Variants in DSTN observed in about 807,000 individuals in gnomAD.
DSTN encodes destrin.
DSTN carries 10 observed loss-of-function variants against 16.8 expected under a neutral mutation model. The ratio of observed to expected loss-of-function variants is 0.60; its 90% CI spans 0.37 to 1.01. The LOEUF is 1.01. Among genes scored for constraint, DSTN ranks in the 50% least tolerant of loss-of-function variants. The pLI is 0.01. For missense variants in DSTN, 141 were observed against 196.7 expected (o/e 0.72, Z 1.69); for synonymous variants, 57 against 58.9 (o/e 0.97, Z 0.14).
chr20:17,592,014 G>A, intron 1 of DSTN: 1 of 985,466 alleles, frequency 1.0e-6, no homozygotes, highest in Non-Finnish European at 1.2e-6. Context: ...TACGAGAATG[G>A]AGTTTAGAAG....
At chr20:17,592,534 G>C (rs190721513) in intron 1 of DSTN, among the ~76,000 whole-genome samples, 1 of 151,786 alleles carries the variant, frequency 6.6e-6, no homozygotes, top group African/African-American at 2.4e-5. Context: ...GTAAACCATG[G>C]TATAATAAAT....
At position 17,608,895 on chromosome 20, in the gene DSTN, C is replaced by T. The variant is rs1327205265; in HGVS notation, c.*1749C>T. ...CCATACAATTATAATGTATTTTCTA[C>T]TGTAATTAGATACACAAATACCATT... On this transcript the variant is annotated 3_prime_UTR_variant, in exon 4 of 4. Coordinates refer to ENST00000246069, the MANE Select transcript of DSTN (RefSeq NM_006870.4). 1 of 152,108 alleles carries T rather than the reference C, an allele frequency of 6.6e-6. No individual in the cohort carries two copies. Among genetic ancestry groups the T allele is most frequent in the African/African-American group, 2.4e-5 (1 of 41,424 alleles). The allele number at this position is 152,108 out of a possible 1,614,324, so 9.4% of individuals were successfully genotyped here.
chr20:17,578,571 A>G (rs1001829927), intron 1 of DSTN, among the ~76,000 whole-genome samples: 2 of 152,220 alleles, frequency 1.3e-5, no homozygotes, highest in Non-Finnish European at 2.9e-5. Flanking sequence ...AATAAATGCC[A>G]GTTTCCTTTC....
Position 17,600,874 on chromosome 20 carries a change from T to A in DSTN, c.140T>A (p.Ile47Asn). 6.2e-7 allele frequency: 1 copy of A among 1,613,874 alleles called. No homozygotes were observed. Among genetic ancestry groups the A allele is most frequent in the South Asian group, 1.1e-5 (1 of 91,072 alleles). Residue 47 changes from isoleucine to asparagine, a missense_variant, in exon 2 of 4, where the codon ATC becomes AAC. By Grantham distance (149) the Ile-to-Asn change is moderately radical. Coordinates refer to ENST00000246069, the MANE Select transcript of DSTN (RefSeq NM_006870.4). ...TGTCTCAGTGCAGACAAAAAGTGCA[T>A]CATTGTAGAAGAAGGCAAAGAGATC... ...IFCLSADKKC[I>N]IVEEGKEILV...
At chr20:17,602,093 A>G in intron 2 of DSTN, among the ~76,000 whole-genome samples, 1 of 152,190 alleles carries the variant, frequency 6.6e-6, no homozygotes, top group East Asian at 1.9e-4. Flanking sequence ...TGTGGTTTAA[A>G]AAGGAAGATA....
At chr20:17,590,897 A>G (rs2035461746) in intron 1 of DSTN, among the ~76,000 whole-genome samples, 1 of 152,216 alleles carries the variant, frequency 6.6e-6, no homozygotes. Flanking sequence ...ACTTGAGGCC[A>G]GGAGTTCGAG....
At chr20:17,579,548 A>T (rs184126661) in intron 1 of DSTN, among the ~76,000 whole-genome samples, 143 of 152,312 alleles carry the variant, frequency 9.4e-4, no homozygotes, top group Middle Eastern at 3.4e-3. Flanking sequence ...GCACCACTGC[A>T]CCTCAGCCTG....
rs994307714 is a variant in DSTN at position 17,609,811 on chromosome 20, A to C, written c.*2665A>C. 8 of 151,588 alleles carry C rather than the reference A, an allele frequency of 5.3e-5. No individual in the cohort carries two copies. Among genetic ancestry groups the C allele is most frequent in the Non-Finnish European group, 1.0e-4 (7 of 67,850 alleles). The allele number at this position is 151,588 out of a possible 1,614,324, so 9.4% of individuals were successfully genotyped here. On this transcript the variant is annotated 3_prime_UTR_variant, in exon 4 of 4. Coordinates refer to ENST00000246069, the MANE Select transcript of DSTN (RefSeq NM_006870.4). ...AGAAAATACGTTTACCTCTTCACAAATGCTAACACACTGCAAAAATATGTT... is the reference window on the plus strand; with the variant it reads ...AGAAAATACGTTTACCTCTTCACAACTGCTAACACACTGCAAAAATATGTT...
chr20:17,579,634 T>C lies in DSTN; in HGVS notation c.3+9423T>C, dbSNP rs1331308176. Among the ~76,000 whole-genome samples the C allele has an allele frequency of 2.0e-5, 3 of 152,216 alleles. No homozygotes were observed. The East Asian group carries it at 5.8e-4, about 29-fold the overall frequency. ...AAAGTGCTTATCAGTTTATCAGTGT[T>C]AGCTAAAATAAATGGTGGCAAGCTT... On this transcript the variant is annotated intron_variant, in intron 1 of 3. Coordinates refer to ENST00000246069, the MANE Select transcript of DSTN (RefSeq NM_006870.4).
chr20:17,580,801 A>G (rs1476796366), intron 1 of DSTN, among the ~76,000 whole-genome samples: 2 of 152,116 alleles, frequency 1.3e-5, no homozygotes, highest in African/African-American at 4.8e-5. Flanking sequence ...TTTAGCTAGA[A>G]TTTAGAGAAG....
chr20:17,577,594 T>C (rs1266217555), intron 1 of DSTN, among the ~76,000 whole-genome samples: 1 of 152,024 alleles, frequency 6.6e-6, no homozygotes, highest in East Asian at 1.9e-4. Context: ...AGAGGAATAC[T>C]CTAGTTATAA....
intron 1 of DSTN, among the ~76,000 whole-genome samples, chr20:17,593,174 C>T (rs1324309383): frequency 2.6e-5 from 4 of 152,150 alleles, no homozygotes; most frequent in Non-Finnish European, 5.9e-5. Context: ...TCCTTTCAGT[C>T]CCCTTGTTTT....
rs143690069 is a variant in DSTN, at chr20:17,596,880, G to T, written c.4-3858G>T. Reference sequence around the variant, plus strand: ...TGTTTTTGATTACTAGTACATCATTGATTTAATTTACAAATCAGAATTTAG... The same window carrying T: ...TGTTTTTGATTACTAGTACATCATTTATTTAATTTACAAATCAGAATTTAG... On this transcript the variant is annotated intron_variant, in intron 1 of 3. Coordinates refer to ENST00000246069, the MANE Select transcript of DSTN (RefSeq NM_006870.4). 2.3e-3 allele frequency: 1,995 copies of T among 863,700 alleles called. 9 individuals carry two copies. The highest frequency in any genetic ancestry group is 5.0e-3 in the Admixed American group (81 of 16,122). The allele number at this position is 863,700 out of a possible 1,614,324, so 53.5% of individuals were successfully genotyped here.
At position 17,607,109 on chromosome 20, in the gene DSTN, G is replaced by T; in HGVS notation, c.461G>T (p.Gly154Val). Residue 154 changes from glycine (G) to valine (V), a missense_variant, in exon 4 of 4, where the codon GGA becomes GTA. By Grantham distance (109) the Gly-to-Val change is moderately radical. Coordinates refer to ENST00000246069, the MANE Select transcript of DSTN (RefSeq NM_006870.4). The part of the protein sequence containing the change: ...NRACIAEKLG[G>V]SLIVAFEGCP... ...GCTTGTATTGCTGAAAAGTTAGGTG[G>T]ATCCTTAATTGTAGCCTTTGAAGGA... 6.2e-7 allele frequency: 1 copy of T among 1,612,918 alleles called. No homozygotes were observed. The highest frequency in any genetic ancestry group is 1.1e-5 in the South Asian group (1 of 91,004).
chr20:17,570,624 C>T (rs1054635489), intron 1 of DSTN, among the ~76,000 whole-genome samples: 1 of 150,036 alleles, frequency 6.7e-6, no homozygotes, highest in African/African-American at 2.5e-5. Context: ...TCCTTGTTGG[C>T]GTGGGTTTCC....
chr20:17,574,870 G>GTTTTTTTTTTTTT (rs533880691), intron 1 of DSTN, among the ~76,000 whole-genome samples: 11 of 81,158 alleles, frequency 1.4e-4, no homozygotes, highest in South Asian at 5.9e-4. Flanking sequence ...CTTTTCTTTT[G>GTTTTTTTTTTTTT]TTTTTTTTTT....
intron 1 of DSTN, among the ~76,000 whole-genome samples, chr20:17,583,483 A>G (rs377100864): frequency 6.6e-6 from 1 of 152,190 alleles, no homozygotes; most frequent in Admixed American, 6.6e-5. Context: ...TAGTATATCC[A>G]TGCAAGGGAA....
In DSTN at chr20:17,587,377, C is replaced by A. The variant is rs111761833; in HGVS notation, c.4-13361C>A. On this transcript the variant is annotated intron_variant, in intron 1 of 3. Coordinates refer to ENST00000246069, the MANE Select transcript of DSTN (RefSeq NM_006870.4). ...CACCTCCTGGGCCCAAGTGATCCTC[C>A]CTCATCACCTGAGTAGCTGGGACTA... Among the ~76,000 whole-genome samples the A allele has an allele frequency of 8.2e-3, 1,251 of 152,226 alleles. 14 individuals are homozygous for A. The highest frequency in any genetic ancestry group is 0.024 in the African/African-American group (1,014 of 41,536).
At chr20:17,597,791 T>G (rs377359999) in intron 1 of DSTN, among the ~76,000 whole-genome samples, 2 of 152,228 alleles carry the variant, frequency 1.3e-5, no homozygotes, top group Non-Finnish European at 2.9e-5. Flanking sequence ...TCCTGTCAAC[T>G]TCCAGAACAT....
Sources: gnomAD v4.1 joint callset for allele counts (sites outside exome capture counted in the v4.1 genomes callset) on GRCh38, gnomAD v4.1.1 for gene constraint, MANE v1.5 for transcripts, NCBI Gene and HGNC (gene_info 2026-07-23, HGNC 2026-07-21) for gene names.